Variants in ELP4 observed in about 807,000 individuals in gnomAD.
ELP4 encodes elongator acetyltransferase complex subunit 4, also known as elongator complex protein 4.
ELP4 carries 51 observed loss-of-function variants against 48.9 expected under a neutral mutation model. The observed-to-expected ratio is 1.04, with a 90% CI of 0.83 to 1.32. The LOEUF (loss-of-function observed/expected upper bound fraction) is 1.32, where lower values mean the gene tolerates loss of function less well. Among genes scored for constraint, ELP4 ranks in the 40% most tolerant of loss-of-function variants. ELP4 has a pLI of 0.00. For missense variants in ELP4, 519 were observed against 514.6 expected, an observed-to-expected ratio of 1.01 and a Z score of -0.08; for synonymous variants, 210 against 189.2, an observed-to-expected ratio of 1.11 and a Z score of -0.90.
chr11:31,778,876 C>G (rs1948305831), intron 9 of ELP4, among the ~76,000 whole-genome samples: 1 of 152,040 alleles, frequency 6.6e-6, no homozygotes, highest in Non-Finnish European at 1.5e-5. Context: ...GAGACAGTTA[C>G]TAAAGTTTTA....
At chr11:31,565,531 A>G (rs1957096694) in intron 3 of ELP4, among the ~76,000 whole-genome samples, 1 of 147,394 alleles carries the variant, frequency 6.8e-6, no homozygotes, top group Non-Finnish European at 1.5e-5. Context: ...TCTTTAATCC[A>G]TCTTGAATTA....
chr11:31,740,878 G>A (rs1268732289), intron 9 of ELP4, among the ~76,000 whole-genome samples: 1 of 152,238 alleles, frequency 6.6e-6, no homozygotes, highest in Admixed American at 6.5e-5. Flanking sequence ...ACTGGGGAGT[G>A]CCAGACAGTA....
intron 9 of ELP4, among the ~76,000 whole-genome samples, chr11:31,766,448 TAA>T (rs1948043242): frequency 6.6e-6 from 1 of 152,122 alleles, no homozygotes; most frequent in African/African-American, 2.4e-5. Context: ...TGAATTGACA[TAA>T]GTTTGGAAAT....
At chr11:31,726,714 C>T (rs1947083977) in intron 9 of ELP4, among the ~76,000 whole-genome samples, 1 of 152,010 alleles carries the variant, frequency 6.6e-6, no homozygotes, top group African/African-American at 2.4e-5. Flanking sequence ...TTGTTTAGCC[C>T]AGCATTTTTA....
intron 3 of ELP4, among the ~76,000 whole-genome samples, chr11:31,575,550 G>A (rs1401423264): frequency 1.3e-5 from 2 of 152,164 alleles, no homozygotes; most frequent in Non-Finnish European, 2.9e-5. Context: ...GAAAGGTCGG[G>A]TTACCCACAA....
In ELP4 at chr11:31,603,927, A is replaced by G; in HGVS notation, c.653+20A>G. 1 of 1,598,268 alleles carries G rather than the reference A, an allele frequency of 6.3e-7. No homozygotes were observed. Among genetic ancestry groups the G allele is most frequent in the Non-Finnish European group, 8.5e-7 (1 of 1,170,700 alleles). ...ACCCTGGTAAGTTAATGACCCATTT[A>G]ATAACAAAATCTGATTTCAAATATT... is the stretch of plus-strand genomic sequence containing the variant. On this transcript the variant is annotated intron_variant, in intron 5 of 9. Transcript: ENST00000640961.
rs566290001 is a variant in ELP4 at position 31,600,816 on chromosome 11, T to G, written c.514-2952T>G. On this transcript the variant is annotated intron_variant, in intron 4 of 9. Coordinates refer to ENST00000640961, the MANE Select transcript of ELP4 (RefSeq NM_019040.5). The stretch of plus-strand genomic sequence containing the variant: ...TAACAACAGTAAGAAAAGGTCTTAT[T>G]TAGATTTTCTTGGTGCAGCTTTTCT... 2.6e-5 allele frequency among the ~76,000 whole-genome samples: 4 copies of G among 152,304 alleles called. No homozygotes were observed. In the South Asian group the frequency reaches 8.3e-4, roughly 32 times the overall value.
At chr11:31,728,981 A>G (rs369489548) in intron 9 of ELP4, among the ~76,000 whole-genome samples, 191 of 152,340 alleles carry the variant, frequency 1.3e-3, no homozygotes, top group Non-Finnish European at 2.3e-3. Context: ...GATAGAAATT[A>G]TAGAATAAAT....
chr11:31,678,501 G>A (rs757546583), intron 9 of ELP4, among the ~76,000 whole-genome samples: 3,298 of 16,044 alleles, frequency 0.21, 57 homozygotes, highest in Non-Finnish European at 0.47. Flanking sequence ...ATGTATGTGT[G>A]TGTGTGTGTG....
At chr11:31,579,064 A>G (rs1479896691) in intron 3 of ELP4, among the ~76,000 whole-genome samples, 1 of 152,238 alleles carries the variant, frequency 6.6e-6, no homozygotes, top group Non-Finnish European at 1.5e-5. Flanking sequence ...AATATCCAGA[A>G]TCTACAAAGA....
intron 2 of ELP4, among the ~76,000 whole-genome samples, chr11:31,534,891 G>A (rs1264019540): frequency 6.6e-6 from 1 of 152,110 alleles, no homozygotes; most frequent in Non-Finnish European, 1.5e-5. Context: ...TAGTTCCAAA[G>A]TTGAGTGAAG....
rs181079748 is a variant in ELP4 at position 31,777,341 on chromosome 11, G to C, written c.1144-6052G>C. On this transcript the variant is annotated intron_variant, in intron 9 of 9. Transcript: ENST00000640961. ...AGGAGAAATTCTGTGTTTATCCATA[G>C]AGCAGGGGAGACTATGAACACATTG... Among the ~76,000 whole-genome samples the C allele has an allele frequency of 7.9e-5, 12 of 152,262 alleles. No homozygotes were observed. The East Asian group carries it at 2.1e-3, about 27-fold the overall frequency.
At chr11:31,578,068 C>T (rs1592133247) in intron 3 of ELP4, among the ~76,000 whole-genome samples, 1 of 152,300 alleles carries the variant, frequency 6.6e-6, no homozygotes. Context: ...CCCAAAATCT[C>T]CTTAAGCTGA....
chr11:31,726,860 T>C (rs981127753), intron 9 of ELP4, among the ~76,000 whole-genome samples: 2 of 152,232 alleles, frequency 1.3e-5, no homozygotes, highest in Non-Finnish European at 2.9e-5. Flanking sequence ...TGCATGTTAA[T>C]ACTATGTTTT....
chr11:31,744,460 C>A (rs1310238517), intron 9 of ELP4, among the ~76,000 whole-genome samples: 1 of 152,190 alleles, frequency 6.6e-6, no homozygotes, highest in Non-Finnish European at 1.5e-5. Context: ...TGACCAATAT[C>A]CTTGATGAAC....
intron 9 of ELP4, among the ~76,000 whole-genome samples, chr11:31,723,576 A>G (rs1947013197): frequency 6.6e-6 from 1 of 152,218 alleles, no homozygotes; most frequent in South Asian, 2.1e-4. Flanking sequence ...AATATGTATT[A>G]TGCCAGACAT....
chr11:31,759,658 A>G (rs930577930), intron 9 of ELP4, among the ~76,000 whole-genome samples: 1 of 152,004 alleles, frequency 6.6e-6, no homozygotes, highest in Non-Finnish European at 1.5e-5. Flanking sequence ...TTTTTCATGT[A>G]ATATGCCCTA....
At chr11:31,776,040 G>T (rs1427070144) in intron 9 of ELP4, among the ~76,000 whole-genome samples, 1 of 150,602 alleles carries the variant, frequency 6.6e-6, no homozygotes, top group Non-Finnish European at 1.5e-5. Context: ...GGTCCCAGTT[G>T]TTTGGGAGGA....
At chr11:31,769,897 C>T (rs1948102806) in intron 9 of ELP4, among the ~76,000 whole-genome samples, 1 of 152,052 alleles carries the variant, frequency 6.6e-6, no homozygotes, top group African/African-American at 2.4e-5. Context: ...TTGTGTGTTC[C>T]TAAAATATAT....
Sources: gnomAD v4.1 joint callset for allele counts (sites outside exome capture counted in the v4.1 genomes callset) on GRCh38, gnomAD v4.1.1 for gene constraint, MANE v1.5 for transcripts, NCBI Gene and HGNC (gene_info 2026-07-23, HGNC 2026-07-21) for gene names.